MAP2K5: variants seen among roughly 807,000 people sequenced by gnomAD.
MAP2K5 encodes the protein mitogen-activated protein kinase kinase 5.
In MAP2K5, 49 loss-of-function variants were observed where a neutral mutation model predicts 83.1. The ratio of observed to expected loss-of-function variants is 0.59; its 90% CI spans 0.47 to 0.75. MAP2K5 has a LOEUF of 0.75. Ranked by LOEUF, MAP2K5 falls within the 30% of genes least tolerant of loss-of-function variation. The probability of loss-of-function intolerance (pLI) is 0.00; values close to 1 mark genes in which losing one functional copy is unlikely to be tolerated. For missense variants in MAP2K5, 457 were observed against 557.5 expected (o/e 0.82, Z 1.82); for synonymous variants, 202 against 191.8 (o/e 1.05, Z -0.44).
chr15:67,654,612 A>G (rs2087025714), intron 11 of MAP2K5, among the ~76,000 whole-genome samples: 1 of 152,104 alleles, frequency 6.6e-6, no homozygotes. Flanking sequence ...GCTTTCTTTT[A>G]TATCAAGTAG....
intron 4 of MAP2K5, among the ~76,000 whole-genome samples, chr15:67,582,086 A>G (rs1279114547): frequency 1.4e-5 from 2 of 141,190 alleles, no homozygotes; most frequent in Non-Finnish European, 3.0e-5. Context: ...TTTTCGAGAC[A>G]GAGTCTCGCT....
intron 21 of MAP2K5, among the ~76,000 whole-genome samples, chr15:67,776,595 C>G (rs2090243480): frequency 6.6e-6 from 1 of 152,104 alleles, no homozygotes; most frequent in South Asian, 2.1e-4. Context: ...AAATCAGACC[C>G]TTAAATTCAG....
intron 15 of MAP2K5, among the ~76,000 whole-genome samples, chr15:67,696,822 A>T (rs1190420281): frequency 1.3e-5 from 2 of 151,988 alleles, no homozygotes; most frequent in Non-Finnish European, 2.9e-5. Context: ...TACTAAAAAT[A>T]CAAAAAATCA....
At chr15:67,798,728 A>G (rs1045483180) in intron 21 of MAP2K5, among the ~76,000 whole-genome samples, 17 of 152,208 alleles carry the variant, frequency 1.1e-4, no homozygotes, top group African/African-American at 4.1e-4. Context: ...GGGGAAAAAC[A>G]TCTATTTCTA....
intron 4 of MAP2K5, among the ~76,000 whole-genome samples, chr15:67,582,687 T>C (rs2678679): frequency 0.17 from 25,237 of 151,880 alleles, 2,933 homozygotes; most frequent in African/African-American, 0.32. Flanking sequence ...CCGGGCGTGG[T>C]GCACACTCCT....
chr15:67,760,970 T>C lies in MAP2K5; in HGVS notation c.1135-8632T>C, dbSNP rs1430585213. On this transcript the variant is annotated intron_variant, in intron 19 of 21. Transcript: ENST00000178640. This position sits in a 1 kb window ranked among gnomAD's most constrained non-coding sequence, Gnocchi z 4.1. Reference sequence around the variant, plus strand: ...CGTTTTGCCGGCTGTTAATTTTCTCTAAACCAGGGAAAATGTGTATGTGAG... The same window carrying C: ...CGTTTTGCCGGCTGTTAATTTTCTCCAAACCAGGGAAAATGTGTATGTGAG... Among the ~76,000 whole-genome samples the C allele has an allele frequency of 1.3e-5, 2 of 152,162 alleles. No individual in the cohort carries two copies. Among genetic ancestry groups the C allele is most frequent in the Non-Finnish European group, 2.9e-5 (2 of 68,026 alleles).
intron 8 of MAP2K5, chr15:67,629,000 G>A: frequency 9.2e-6 from 7 of 758,198 alleles, no homozygotes; most frequent in South Asian, 4.0e-5. Flanking sequence ...TCAGACCCGT[G>A]AAGGGAGGAA....
chr15:67,659,924 CTGTT>C (rs2087195572), intron 12 of MAP2K5, among the ~76,000 whole-genome samples: 1 of 152,102 alleles, frequency 6.6e-6, no homozygotes, highest in African/African-American at 2.4e-5. Context: ...AGTAGGAAGA[CTGTT>C]GAAGTGAATA....
chr15:67,615,179 G>A (rs1209006137), intron 8 of MAP2K5, among the ~76,000 whole-genome samples: 1 of 152,020 alleles, frequency 6.6e-6, no homozygotes, highest in African/African-American at 2.4e-5. Flanking sequence ...TGTATTTTTA[G>A]TAGAAACAGG....
In MAP2K5 at chr15:67,760,598, C is replaced by T. The variant is rs1005546775; in HGVS notation, c.1135-9004C>T. ...AATTAGATTTGTGGGGATTTTTTAA[C>T]CAGGAAAAATTCTGCATCTTTAGGC... On this transcript the variant is annotated intron_variant, in intron 19 of 21. Coordinates refer to ENST00000178640, the MANE Select transcript of MAP2K5 (RefSeq NM_145160.3). This position sits in a 1 kb window ranked among gnomAD's most constrained non-coding sequence, Gnocchi z 4.1. 6.6e-6 allele frequency among the ~76,000 whole-genome samples: 1 copy of T among 152,032 alleles called. No homozygotes were observed. Among genetic ancestry groups the T allele is most frequent in the Non-Finnish European group, 1.5e-5 (1 of 68,018 alleles).
Position 67,750,963 on chromosome 15 carries a change from T to C in MAP2K5, c.1134+2362T>C, listed in dbSNP as rs1014022962. Among the ~76,000 whole-genome samples, 3 of 152,130 alleles carry C rather than the reference T, an allele frequency of 2.0e-5. No individual in the cohort carries two copies. The highest frequency in any genetic ancestry group is 4.4e-5 in the Non-Finnish European group (3 of 68,014). ...CAAGATGGGTATATTTGGCGTCACA[T>C]ACAAAATAGCTATCGCAAAGCCCAG... On this transcript the variant is annotated intron_variant, in intron 19 of 21. Coordinates refer to ENST00000178640, the MANE Select transcript of MAP2K5 (RefSeq NM_145160.3). This position sits in a 1 kb window ranked among gnomAD's most constrained non-coding sequence, Gnocchi z 4.2.
chr15:67,804,875 G>A (rs552805814), intron 21 of MAP2K5, among the ~76,000 whole-genome samples: 39 of 152,322 alleles, frequency 2.6e-4, no homozygotes, highest in East Asian at 7.7e-4. Context: ...GAAAGCAGCC[G>A]TGGGGTGGGC....
intron 7 of MAP2K5, among the ~76,000 whole-genome samples, chr15:67,598,624 C>T (rs1680746800): frequency 6.6e-6 from 1 of 152,182 alleles, no homozygotes; most frequent in Non-Finnish European, 1.5e-5. Context: ...CTTCCCTTCT[C>T]TTTTCCCTGT....
chr15:67,575,103 A>G (rs1211858482), intron 3 of MAP2K5, among the ~76,000 whole-genome samples: 1 of 152,114 alleles, frequency 6.6e-6, no homozygotes, highest in Non-Finnish European at 1.5e-5. Flanking sequence ...GCTCTGCACA[A>G]TCAACTGGTT....
rs1270147858 is a variant in MAP2K5, at chr15:67,675,458, A to C, written c.847+10813A>C. On this transcript the variant is annotated intron_variant, in intron 13 of 21. Coordinates refer to ENST00000178640, the MANE Select transcript of MAP2K5 (RefSeq NM_145160.3). The stretch of plus-strand genomic sequence containing the variant: ...GGCTGAGAGGATGGGAGACAGAGGG[A>C]ATGTTTACAATGGAGCAAGATGAGG... Among the ~76,000 whole-genome samples the C allele has an allele frequency of 2.6e-5, 4 of 152,282 alleles. No individual in the cohort carries two copies. The South Asian group carries it at 6.2e-4, about 24-fold the overall frequency.
chr15:67,784,074 C>T (rs1027180080), intron 21 of MAP2K5, among the ~76,000 whole-genome samples: 1 of 152,168 alleles, frequency 6.6e-6, no homozygotes, highest in African/African-American at 2.4e-5. Context: ...AGAAATGGAT[C>T]TAAACATAAA....
intron 21 of MAP2K5, among the ~76,000 whole-genome samples, chr15:67,789,804 AT>A (rs907743193): frequency 1.5e-4 from 22 of 147,924 alleles, no homozygotes; most frequent in South Asian, 8.6e-4. Context: ...TGTTGGTCAC[AT>A]TTTTTTTTTC....
In MAP2K5 at chr15:67,577,620, T is replaced by G. The variant is rs1260091599; in HGVS notation, c.253-3134T>G. On this transcript the variant is annotated intron_variant, in intron 3 of 21. Coordinates refer to ENST00000178640, the MANE Select transcript of MAP2K5 (RefSeq NM_145160.3). The surrounding 1 kb of genome is among the most constrained non-coding windows in gnomAD (Gnocchi z 4.1). Reference sequence around the variant, plus strand: ...TTCTTTTGGTTTTGGTCATTTCTGCTTATTTTATCACTATTTAGAACAAAA... The same window carrying G: ...TTCTTTTGGTTTTGGTCATTTCTGCGTATTTTATCACTATTTAGAACAAAA... Among the ~76,000 whole-genome samples, 1 of 152,234 alleles carries G rather than the reference T, an allele frequency of 6.6e-6. No individual in the cohort carries two copies. Among genetic ancestry groups the G allele is most frequent in the East Asian group, 1.9e-4 (1 of 5,200 alleles).
intron 2 of MAP2K5, among the ~76,000 whole-genome samples, chr15:67,560,897 A>G (rs553750696): frequency 6.6e-6 from 1 of 152,292 alleles, no homozygotes; most frequent in East Asian, 1.9e-4. Flanking sequence ...ATTTTTATGT[A>G]ATCGGTGCCC....
Sources: gnomAD v4.1 joint callset for allele counts (sites outside exome capture counted in the v4.1 genomes callset) on GRCh38, gnomAD v4.1.1 for gene constraint, Gnocchi (gnomAD v3.1) non-coding constraint, MANE v1.5 for transcripts, NCBI Gene and HGNC (gene_info 2026-07-23, HGNC 2026-07-21) for gene names.